GPC5: variants seen among roughly 807,000 people sequenced by gnomAD.
GPC5 encodes the protein glypican 5, also known as glypican-5.
GPC5 carries 47 observed loss-of-function variants against 53.9 expected under a neutral mutation model. That is an observed-to-expected ratio of 0.87 (90% confidence interval 0.69 to 1.11). The LOEUF is 1.11. GPC5 is among the 50% of genes most tolerant of loss of function. The pLI, the probability that GPC5 is intolerant of heterozygous loss-of-function variation, is 0.00. For synonymous variants in GPC5, 286 were observed against 263.3 expected (o/e 1.09, Z -0.84); for missense variants, 748 against 713.1 (o/e 1.05, Z -0.56).
At chr13:92,756,841 C>A (rs963528304) in intron 7 of GPC5, among the ~76,000 whole-genome samples, 2 of 150,130 alleles carry the variant, frequency 1.3e-5, no homozygotes, top group African/African-American at 4.9e-5. Flanking sequence ...AGGATACAAA[C>A]AAATGGAAGA....
chr13:91,527,992 AG>A (rs1566478165), intron 2 of GPC5, among the ~76,000 whole-genome samples: 1 of 152,190 alleles, frequency 6.6e-6, no homozygotes, highest in Non-Finnish European at 1.5e-5. Context: ...TTTCCCTTGT[AG>A]GCTTCTGGGC....
chr13:91,626,751 C>A (rs1485482577), intron 2 of GPC5, among the ~76,000 whole-genome samples: 1 of 151,808 alleles, frequency 6.6e-6, no homozygotes, highest in Non-Finnish European at 1.5e-5. Flanking sequence ...ACATGTGACA[C>A]GTTGGTGTGC....
intron 7 of GPC5, among the ~76,000 whole-genome samples, chr13:92,391,147 T>A (rs1300913830): frequency 1.3e-5 from 2 of 152,148 alleles, no homozygotes; most frequent in African/African-American, 4.8e-5. Context: ...AATCTCCTCA[T>A]TAATATAATT....
At chr13:91,650,930 C>T (rs1230108700) in intron 2 of GPC5, among the ~76,000 whole-genome samples, 1 of 151,898 alleles carries the variant, frequency 6.6e-6, no homozygotes, top group Non-Finnish European at 1.5e-5. Flanking sequence ...TCTTCAAAGT[C>T]ATTATTAATA....
At position 92,261,280 on chromosome 13, in the gene GPC5, A is replaced by G. The variant is rs2042765283; in HGVS notation, c.1561+116291A>G. ...TTGCTAGCATAACCTCAAGTGACAA[A>G]CTATTTAGAATCATACAATCTTACA... On this transcript the variant is annotated intron_variant, in intron 7 of 7. Transcript: ENST00000377067. Among the ~76,000 whole-genome samples the G allele has an allele frequency of 2.0e-5, 3 of 152,140 alleles. No homozygotes were observed. In the South Asian group the frequency reaches 6.2e-4, roughly 31 times the overall value.
chr13:91,952,590 G>A (rs1372471091), intron 6 of GPC5, among the ~76,000 whole-genome samples: 1 of 152,052 alleles, frequency 6.6e-6, no homozygotes, highest in Non-Finnish European at 1.5e-5. Flanking sequence ...AAGAATCTCT[G>A]GGAATGAAGC....
At chr13:91,452,910 C>T (rs1480471596) in intron 2 of GPC5, among the ~76,000 whole-genome samples, 2 of 151,522 alleles carry the variant, frequency 1.3e-5, no homozygotes, top group Non-Finnish European at 2.9e-5. Flanking sequence ...AGAAATGAAC[C>T]TTTTCTTATT....
intron 7 of GPC5, among the ~76,000 whole-genome samples, chr13:92,297,194 A>T (rs990229032): frequency 5.3e-5 from 8 of 152,174 alleles, no homozygotes; most frequent in African/African-American, 1.7e-4. Context: ...ACCAATCAGC[A>T]CCCTGTGTTT....
intron 2 of GPC5, among the ~76,000 whole-genome samples, chr13:91,652,889 G>T (rs568589550): frequency 7.2e-5 from 11 of 152,108 alleles, no homozygotes; most frequent in African/African-American, 2.4e-4. Context: ...ATCCACCTTG[G>T]GGAGATCTTT....
intron 6 of GPC5, among the ~76,000 whole-genome samples, chr13:91,917,860 C>T (rs1035957264): frequency 6.6e-6 from 1 of 152,086 alleles, no homozygotes; most frequent in African/African-American, 2.4e-5. Flanking sequence ...CCAAAATTCC[C>T]ACATCATCTG....
intron 7 of GPC5, among the ~76,000 whole-genome samples, chr13:92,267,241 G>A (rs1442801338): frequency 6.6e-6 from 1 of 151,728 alleles, no homozygotes; most frequent in Admixed American, 6.6e-5. Context: ...AGTCTTCATA[G>A]CAAGGCTTTT....
chr13:92,769,246 C>G (rs1040390149), intron 7 of GPC5, among the ~76,000 whole-genome samples: 1 of 152,144 alleles, frequency 6.6e-6, no homozygotes, highest in African/African-American at 2.4e-5. Flanking sequence ...AATATTATGG[C>G]AGGACTATAA....
At chr13:92,554,708 T>G (rs182481599) in intron 7 of GPC5, among the ~76,000 whole-genome samples, 42 of 151,102 alleles carry the variant, frequency 2.8e-4, no homozygotes, top group Middle Eastern at 3.5e-3. Context: ...ATAAACAAAA[T>G]ATATGAAACA....
chr13:91,710,477 A>G (rs2036201296), intron 3 of GPC5, among the ~76,000 whole-genome samples: 1 of 152,266 alleles, frequency 6.6e-6, no homozygotes, highest in Non-Finnish European at 1.5e-5. Flanking sequence ...TTATCAAATT[A>G]GGTTATTGGA....
At position 92,591,098 on chromosome 13, in the gene GPC5, C is replaced by A. The variant is rs564477976; in HGVS notation, c.1562-275184C>A. On this transcript the variant is annotated intron_variant, in intron 7 of 7. Coordinates refer to ENST00000377067, the MANE Select transcript of GPC5 (RefSeq NM_004466.6). ...ATTATTAAAATAACTTTTCATGTCC[C>A]CTTCATCAACCTTTATATGCTGATT... Among the ~76,000 whole-genome samples the A allele has an allele frequency of 2.6e-5, 4 of 152,170 alleles. No individual in the cohort carries two copies. In the East Asian group the frequency reaches 7.7e-4, roughly 29 times the overall value.
intron 2 of GPC5, among the ~76,000 whole-genome samples, chr13:91,663,449 G>A (rs148761598): frequency 6.6e-6 from 1 of 151,858 alleles, no homozygotes; most frequent in South Asian, 2.1e-4. Flanking sequence ...ATTTGAAACT[G>A]ATTTTGTTTC....
chr13:92,418,071 CTATTTA>C (rs1192275879), intron 7 of GPC5, among the ~76,000 whole-genome samples: 2 of 152,010 alleles, frequency 1.3e-5, no homozygotes, highest in African/African-American at 4.8e-5. Flanking sequence ...ATATATGATT[CTATTTA>C]TATACATTTT....
chr13:92,752,781 C>T (rs183066214), intron 7 of GPC5, among the ~76,000 whole-genome samples: 15 of 152,124 alleles, frequency 9.9e-5, no homozygotes, highest in African/African-American at 2.9e-4. Context: ...ACTTTTCCAA[C>T]GGGCTTAAAA....
intron 2 of GPC5, among the ~76,000 whole-genome samples, chr13:91,465,481 A>G (rs556487273): frequency 1.3e-5 from 2 of 152,062 alleles, no homozygotes; most frequent in South Asian, 4.2e-4. Context: ...ATCTAATCGC[A>G]AATTGGAGGT....
Sources: gnomAD v4.1 joint callset for allele counts (sites outside exome capture counted in the v4.1 genomes callset) on GRCh38, gnomAD v4.1.1 for gene constraint, MANE v1.5 for transcripts, NCBI Gene and HGNC (gene_info 2026-07-23, HGNC 2026-07-21) for gene names.